MYO18B: variants seen among roughly 807,000 people sequenced by gnomAD.
MYO18B encodes unconventional myosin-XVIIIb.
In MYO18B, 204 loss-of-function variants were observed where a neutral mutation model predicts 273.0. The ratio of observed to expected loss-of-function variants is 0.75; its 90% CI spans 0.67 to 0.84. The LOEUF (loss-of-function observed/expected upper bound fraction) is 0.84. MYO18B is among the 40% of genes least tolerant of loss of function. The probability of loss-of-function intolerance (pLI) is 0.00; values close to 1 mark genes in which losing one functional copy is unlikely to be tolerated. For synonymous variants in MYO18B, 1,330 were observed against 1,305.7 expected (o/e 1.02, Z -0.40); for missense variants, 3,212 against 3,287.6 (o/e 0.98, Z 0.56).
chr22:25,835,294 A>C lies in MYO18B; in HGVS notation c.3061-2A>C. 3.1e-6 allele frequency: 5 copies of C among 1,613,368 alleles called. No individual in the cohort carries two copies. Among genetic ancestry groups the C allele is most frequent in the Non-Finnish European group, 4.2e-6 (5 of 1,179,634 alleles). ...TTCAGTGAATCCTGGTTCTCCCAGC[A>C]GGTCCGCTTACCAGCTGGAGGAGGT... On this transcript the variant is annotated splice_acceptor_variant, in intron 16 of 43. Transcript: ENST00000335473. LOFTEE classifies it high-confidence loss of function.
At chr22:25,881,891 G>A (rs896493598) in intron 25 of MYO18B, among the ~76,000 whole-genome samples, 12 of 152,190 alleles carry the variant, frequency 7.9e-5, no homozygotes, top group African/African-American at 2.4e-4. Flanking sequence ...GAAGCCAGGG[G>A]AAGAGGTAGA....
the MYO18B span, among the ~76,000 whole-genome samples, chr22:26,039,039 G>A: frequency 3.3e-5 from 5 of 152,212 alleles, no homozygotes; most frequent in East Asian, 3.9e-4. Flanking sequence ...TCTGATATTC[G>A]AGGTAAAGAA....
chr22:25,897,542 T>C (rs1236824761), intron 28 of MYO18B: 1 of 152,214 alleles, frequency 6.6e-6, no homozygotes, highest in Non-Finnish European at 1.5e-5. Context: ...AAGGGGGATA[T>C]TTATGCTACA....
rs1190195848 is a variant in MYO18B at position 26,030,930 on chromosome 22, C to A, written c.*500C>A. ...CATGCTTGTCGATTATATTCCTTTG[C>A]CAATTCATTTCTCTATCCTGTGTAT... On this transcript the variant is annotated 3_prime_UTR_variant, in exon 44 of 44. Coordinates refer to ENST00000335473, the MANE Select transcript of MYO18B (RefSeq NM_032608.7). 3 of 398,386 alleles carry A rather than the reference C, an allele frequency of 7.5e-6. No homozygotes were observed. Among genetic ancestry groups the A allele is most frequent in the Non-Finnish European group, 1.3e-5 (3 of 226,064 alleles). The allele number at this position is 398,386 out of a possible 1,614,324, so 24.7% of individuals were successfully genotyped here. A position where few individuals can be genotyped will look rare whatever the true frequency, so the allele number is the denominator to read the frequency against.
intron 14 of MYO18B, among the ~76,000 whole-genome samples, chr22:25,827,878 C>T (rs1372053735): frequency 9.9e-5 from 15 of 152,206 alleles, no homozygotes; most frequent in Admixed American, 9.8e-4. Context: ...GTACCTACTA[C>T]AGCATTTATA....
chr22:25,947,521 CACACACACACACACACACA>C (rs2092727539), intron 35 of MYO18B, among the ~76,000 whole-genome samples, 172 bp from the exon 36 acceptor site: 2 of 147,540 alleles, frequency 1.4e-5, no homozygotes, highest in South Asian at 4.2e-4. Context: ...CACACACACA[CACACACACACACACACACA>C]CACCAAGCTG....
intron 42 of MYO18B, among the ~76,000 whole-genome samples, chr22:26,016,905 G>C (rs1467820872): frequency 6.6e-6 from 1 of 152,208 alleles, no homozygotes; most frequent in Non-Finnish European, 1.5e-5. Context: ...TAAAGGGTGA[G>C]TGAAAATGTT....
intron 40 of MYO18B, among the ~76,000 whole-genome samples, chr22:25,995,354 T>C (rs1351674291): frequency 6.6e-6 from 1 of 152,202 alleles, no homozygotes; most frequent in Non-Finnish European, 1.5e-5. Context: ...ATGACTGTGG[T>C]CAATGATAAT....
intron 1 of MYO18B, among the ~76,000 whole-genome samples, chr22:25,744,975 G>A (rs2085734488): frequency 6.6e-6 from 1 of 152,076 alleles, no homozygotes; most frequent in Admixed American, 6.5e-5. Flanking sequence ...TGGTGTTCAG[G>A]GAGCAACCAC....
intron 2 of MYO18B, among the ~76,000 whole-genome samples, chr22:25,761,589 C>G (rs1329993347): frequency 6.6e-6 from 1 of 152,182 alleles, no homozygotes; most frequent in Non-Finnish European, 1.5e-5. Flanking sequence ...CTCTCCTCCC[C>G]AGATATTCCT....
At chr22:25,919,075 C>T (rs1601573210) in intron 33 of MYO18B, among the ~76,000 whole-genome samples, 1 of 152,252 alleles carries the variant, frequency 6.6e-6, no homozygotes, top group East Asian at 1.9e-4. Flanking sequence ...ACCCTCATGG[C>T]AACCACCCCG....
At chr22:25,810,251 C>G (rs1423878390) in intron 12 of MYO18B, among the ~76,000 whole-genome samples, 1 of 151,050 alleles carries the variant, frequency 6.6e-6, no homozygotes, top group Non-Finnish European at 1.5e-5. Flanking sequence ...GCGCCCACCA[C>G]CATGCCCAGA....
At chr22:26,055,890 A>G in the MYO18B span, among the ~76,000 whole-genome samples, 1 of 152,182 alleles carries the variant, frequency 6.6e-6, no homozygotes, top group African/African-American at 2.4e-5. Flanking sequence ...AGATGCAGAA[A>G]AGACTGCACA....
intron 42 of MYO18B, among the ~76,000 whole-genome samples, chr22:26,022,131 C>T (rs1474766752): frequency 6.6e-6 from 1 of 152,012 alleles, no homozygotes; most frequent in South Asian, 2.1e-4. Context: ...ACTCTGAGAG[C>T]CTTCTATACG....
intron 34 of MYO18B, among the ~76,000 whole-genome samples, chr22:25,929,272 A>G (rs896238495): frequency 6.6e-5 from 10 of 152,102 alleles, no homozygotes; most frequent in African/African-American, 1.9e-4. Flanking sequence ...TTCTGAGCAC[A>G]TGATTTTATA....
intron 12 of MYO18B, among the ~76,000 whole-genome samples, chr22:25,818,348 T>A (rs1044718060): frequency 6.6e-6 from 1 of 152,230 alleles, no homozygotes; most frequent in Non-Finnish European, 1.5e-5. Context: ...TGCAAAGAGC[T>A]GATGGTCTAC....
rs372737695 is a variant in MYO18B, at chr22:25,756,834, G to T, written c.-109-4150G>T. Reference sequence around the variant, plus strand: ...CCAGCACTTTGGGAGGCCGAGGCAGGTGGATCACTTTAGGCCAGGAGTTTG... The same window carrying T: ...CCAGCACTTTGGGAGGCCGAGGCAGTTGGATCACTTTAGGCCAGGAGTTTG... On this transcript the variant is annotated intron_variant, in intron 1 of 43. Coordinates refer to ENST00000335473, the MANE Select transcript of MYO18B (RefSeq NM_032608.7). Among the ~76,000 whole-genome samples, 136 of 152,330 alleles carry T rather than the reference G, an allele frequency of 8.9e-4. 2 individuals are homozygous for T. In the South Asian group the frequency reaches 0.027, roughly 30 times the overall value.
intron 42 of MYO18B, among the ~76,000 whole-genome samples, chr22:26,014,755 T>C (rs1601835083): frequency 6.6e-6 from 1 of 152,264 alleles, no homozygotes; most frequent in Non-Finnish European, 1.5e-5. Flanking sequence ...ATAGCCATTC[T>C]AACTGGTGTG....
chr22:26,002,184 G>T (rs1934022433), intron 40 of MYO18B, among the ~76,000 whole-genome samples: 1 of 152,152 alleles, frequency 6.6e-6, no homozygotes, highest in South Asian at 2.1e-4. Flanking sequence ...GCCTTTTCAT[G>T]CCATGTTGTC....
Sources: gnomAD v4.1 joint callset for allele counts (sites outside exome capture counted in the v4.1 genomes callset) on GRCh38, gnomAD v4.1.1 for gene constraint, MANE v1.5 for transcripts, NCBI Gene and HGNC (gene_info 2026-07-23, HGNC 2026-07-21) for gene names.